ATP2C1: variants seen among roughly 807,000 people sequenced by gnomAD.
ATP2C1 encodes the protein ATPase secretory pathway Ca2+ transporting 1.
ATP2C1 carries 31 observed loss-of-function variants against 120.5 expected under a neutral mutation model. The ratio of observed to expected loss-of-function variants is 0.26; its 90% CI spans 0.19 to 0.35. ATP2C1 has a LOEUF of 0.35. Among genes scored for constraint, ATP2C1 ranks in the 10% least tolerant of loss-of-function variants. The pLI is 1.00. For missense variants in ATP2C1, 731 were observed against 1,107.5 expected (o/e 0.66, Z 4.83); for synonymous variants, 351 against 358.7 (o/e 0.98, Z 0.24).
chr3:130,945,509 T>G (rs1415457804), intron 8 of ATP2C1, among the ~76,000 whole-genome samples: 3 of 104,442 alleles, frequency 2.9e-5, no homozygotes, highest in Admixed American at 1.1e-4. Context: ...ATGCTGTCCC[T>G]CCCCCCTCCC....
At chr3:130,923,658 A>G (rs1239597846) in intron 2 of ATP2C1, among the ~76,000 whole-genome samples, 1 of 151,808 alleles carries the variant, frequency 6.6e-6, no homozygotes, top group Non-Finnish European at 1.5e-5. Context: ...GCTTGAGGTC[A>G]GGAGTTCAAG....
At chr3:131,000,158 C>T (rs758958395) in intron 27 of ATP2C1, among the ~76,000 whole-genome samples, 2 of 152,096 alleles carry the variant, frequency 1.3e-5, no homozygotes, top group Non-Finnish European at 2.9e-5. Context: ...TCTTACATTA[C>T]CATTTATTAA....
chr3:130,993,373 A>G (rs1483952581), intron 21 of ATP2C1, among the ~76,000 whole-genome samples: 1 of 152,242 alleles, frequency 6.6e-6, no homozygotes, highest in African/African-American at 2.4e-5. Context: ...TTAAAAGGCT[A>G]TGATTATTTA....
In ATP2C1 at chr3:130,894,361, C is replaced by T. The variant is rs1403808052; in HGVS notation, c.-181+24C>T. On this transcript the variant is annotated intron_variant, in intron 1 of 27. Coordinates refer to ENST00000510168, the MANE Select transcript of ATP2C1 (RefSeq NM_001378687.1). The surrounding 1 kb of genome is among the most constrained non-coding windows in gnomAD (Gnocchi z 4.5). ...GGGTGGGTACCAGTATTACCTCCTG[C>T]CCCCATTTCTAGAAACTTCCAGGTT... The T allele has an allele frequency of 3.6e-6, 4 of 1,095,920 alleles. No individual in the cohort carries two copies. Among genetic ancestry groups the T allele is most frequent in the East Asian group, 7.0e-5 (1 of 14,212 alleles). 67.9% of individuals were successfully genotyped at this position (1,095,920 alleles called of 1,614,324 possible).
Position 131,014,329 on chromosome 3 carries a change from C to T in ATP2C1, c.2630-1823C>T, listed in dbSNP as rs1199851806. 2 of 1,613,340 alleles carry T rather than the reference C, an allele frequency of 1.2e-6. No individual in the cohort carries two copies. The highest frequency in any genetic ancestry group is 1.7e-6 in the Non-Finnish European group (2 of 1,179,822). On this transcript the variant is annotated intron_variant, in intron 26 of 26. Coordinates refer to the ATP2C1 transcript ENST00000328560. Reference sequence around the variant, plus strand: ...GGACATATGCTCAGGAGACTTTCTACAGAGGTCGATGCTAGCAGTTGCTGG... The same window carrying T: ...GGACATATGCTCAGGAGACTTTCTATAGAGGTCGATGCTAGCAGTTGCTGG...
intron 20 of ATP2C1, among the ~76,000 whole-genome samples, chr3:130,989,565 CAAAAA>C (rs56991562): frequency 1.7e-5 from 2 of 114,572 alleles, no homozygotes; most frequent in African/African-American, 6.7e-5. Flanking sequence ...AACTCCATCT[CAAAAA>C]AAAAAAAAAA....
intron 1 of ATP2C1, among the ~76,000 whole-genome samples, chr3:130,870,900 C>A (rs1036680300): frequency 2.6e-5 from 4 of 152,140 alleles, no homozygotes; most frequent in Non-Finnish European, 2.9e-5. Flanking sequence ...AAGGAAGAGT[C>A]AATTGATGCA....
Position 130,868,268 on chromosome 3 carries a change from G to A in ATP2C1, c.108+17340G>A, listed in dbSNP as rs1438403335. On this transcript the variant is annotated intron_variant, in intron 1 of 26. Transcript: ENST00000504381. ...AGGTGGGGGGGTCAGCCCCCCGCCC[G>A]GCCAGCTGCCCTGTCCGGGAGGTGA... The A allele has an allele frequency of 7.9e-4, 111 of 141,030 alleles. 4 individuals are homozygous for A. The highest frequency in any genetic ancestry group is 1.3e-3 in the African/African-American group (49 of 38,144). 8.7% of individuals were successfully genotyped at this position (141,030 alleles called of 1,614,324 possible).
intron 2 of ATP2C1, among the ~76,000 whole-genome samples, chr3:130,901,217 T>C (rs1434489304): frequency 6.6e-6 from 1 of 152,108 alleles, no homozygotes; most frequent in Non-Finnish European, 1.5e-5. Flanking sequence ...ATATTTGGCT[T>C]ATGAAACTAG....
chr3:130,909,653 A>T (rs1036486201), intron 2 of ATP2C1, among the ~76,000 whole-genome samples: 18 of 152,170 alleles, frequency 1.2e-4, no homozygotes, highest in Admixed American at 1.0e-3. Flanking sequence ...ACTCGCTTGG[A>T]CTAAAAAGCT....
chr3:130,962,903 GTAAA>G (rs2060886806), intron 12 of ATP2C1: 1 of 151,632 alleles, frequency 6.6e-6, no homozygotes, highest in Non-Finnish European at 1.5e-5. Flanking sequence ...AAATCAACCA[GTAAA>G]TAAAGCATGA....
At chr3:130,920,102 G>T (rs1230828049) in intron 2 of ATP2C1, among the ~76,000 whole-genome samples, 2 of 152,142 alleles carry the variant, frequency 1.3e-5, no homozygotes, top group African/African-American at 2.4e-5. Context: ...CCCCTTGTCA[G>T]ATGTTTGCAA....
chr3:131,015,989 G>C (rs1263316829), intron 26 of ATP2C1: 2 of 910,150 alleles, frequency 2.2e-6, no homozygotes, highest in Non-Finnish European at 1.7e-6. Flanking sequence ...CAGCTCTTCA[G>C]CTGTAACAGT....
At chr3:130,854,048 A>AGAAGAT (rs2307759) in intron 1 of ATP2C1, 65,694 of 151,614 alleles carry the variant, frequency 0.43, 17,658 homozygotes, top group Non-Finnish European at 0.59. Flanking sequence ...CATACAGACA[A>AGAAGAT]GAAGATTTGA....
intron 12 of ATP2C1, 154 bp from the exon 13 acceptor site, chr3:130,963,817 A>T: frequency 1.1e-6 from 1 of 876,936 alleles, no homozygotes; most frequent in Non-Finnish European, 1.8e-6. Flanking sequence ...GTATCCAGTA[A>T]ATGTTAACTT....
Position 130,941,686 on chromosome 3 carries a change from T to TA in ATP2C1, c.519dup (p.Arg174ThrfsTer4). ...GTTGGGGATAGAGTTCCTGCTGACT[T>TA]ACGCTTGTTTGAGGTAAATTTGGGA... On this transcript the variant is annotated frameshift_variant, in exon 8 of 28. Coordinates refer to ENST00000510168, the MANE Select transcript of ATP2C1 (RefSeq NM_001378687.1). LOFTEE classifies it high-confidence loss of function. 1.2e-6 allele frequency: 2 copies of TA among 1,613,860 alleles called. No individual in the cohort carries two copies. The highest frequency in any genetic ancestry group is 1.7e-6 in the Non-Finnish European group (2 of 1,179,738).
rs72628524 is a variant in ATP2C1, at chr3:130,897,170, A to T, written c.6+2395A>T. ...CAGTAGTAGCCAAATGCTCAAAATG[A>T]AGTTGTCATTGTTAGTTGAGGGATA... On this transcript the variant is annotated intron_variant, in intron 2 of 27. Transcript: ENST00000510168. 0.018 allele frequency among the ~76,000 whole-genome samples: 2,737 copies of T among 152,282 alleles called. 145 individuals carry two copies. The East Asian group carries it at 0.21, about 12-fold the overall frequency.
chr3:130,927,383 G>A (rs376822409), intron 2 of ATP2C1, among the ~76,000 whole-genome samples: 111 of 151,948 alleles, frequency 7.3e-4, no homozygotes, highest in South Asian at 5.6e-3. Flanking sequence ...TGTGACTACC[G>A]GCGCCTGCCA....
intron 2 of ATP2C1, among the ~76,000 whole-genome samples, chr3:130,902,284 G>GTTTTTTTTTTTTTTTTCTTTTTTTTT (rs1157956407): frequency 1.5e-5 from 1 of 65,504 alleles, no homozygotes; most frequent in African/African-American, 5.6e-5. Context: ...AAGGCTTCAC[G>GTTTTTTTTTTTTTTTTCTTTTTTTTT]TTTTTTTTTT....
Sources: gnomAD v4.1 joint callset for allele counts (sites outside exome capture counted in the v4.1 genomes callset) on GRCh38, gnomAD v4.1.1 for gene constraint, Gnocchi (gnomAD v3.1) non-coding constraint, MANE v1.5 for transcripts, NCBI Gene and HGNC (gene_info 2026-07-23, HGNC 2026-07-21) for gene names.